The following KIAA0825 variants were observed in gnomAD, a reference collection of about 807,000 sequenced individuals.
KIAA0825 encodes the protein uncharacterized protein KIAA0825.
KIAA0825 carries 119 observed loss-of-function variants against 147.6 expected under a neutral mutation model. The ratio of observed to expected loss-of-function variants is 0.81; its 90% CI spans 0.69 to 0.94. The LOEUF (loss-of-function observed/expected upper bound fraction) is 0.94, where lower values mean the gene tolerates loss of function less well. Among genes scored for constraint, KIAA0825 ranks in the 40% least tolerant of loss-of-function variants. KIAA0825 has a pLI of 0.00. For synonymous variants in KIAA0825, 470 were observed against 518.1 expected, an observed-to-expected ratio of 0.91 and a Z score of 1.26; for missense variants, 1,381 against 1,472.7, an observed-to-expected ratio of 0.94 and a Z score of 1.02.
At chr5:94,483,575 G>T (rs899986559) in intron 6 of KIAA0825, among the ~76,000 whole-genome samples, 3 of 150,756 alleles carry the variant, frequency 2.0e-5, no homozygotes, top group African/African-American at 4.9e-5. Context: ...GCTTTTTTTT[G>T]GTTTTTTTGG....
intron 17 of KIAA0825, 70 bp downstream of exon 17, chr5:94,396,031 T>C (rs1439243556): frequency 3.0e-6 from 4 of 1,325,692 alleles, no homozygotes; most frequent in Non-Finnish European, 4.0e-6. Context: ...CAATATATTG[T>C]CATTTATTGG....
intron 20 of KIAA0825, among the ~76,000 whole-genome samples, chr5:94,340,883 C>T (rs1431483559): frequency 6.6e-6 from 1 of 152,112 alleles, no homozygotes; most frequent in Non-Finnish European, 1.5e-5. Flanking sequence ...AAATGCATAA[C>T]GCAGTGCTGG....
intron 5 of KIAA0825, among the ~76,000 whole-genome samples, chr5:94,497,248 G>T (rs535821609): frequency 6.6e-6 from 1 of 152,254 alleles, no homozygotes; most frequent in African/African-American, 2.4e-5. Context: ...TGATTTATAT[G>T]AACAGTTTCA....
At chr5:94,400,181 C>T (rs1751200719) in intron 16 of KIAA0825, among the ~76,000 whole-genome samples, 1 of 152,062 alleles carries the variant, frequency 6.6e-6, no homozygotes, top group Admixed American at 6.6e-5. Context: ...AACAAATATC[C>T]ATCATCTGTG....
At chr5:94,567,943 A>C (rs1209284693) in intron 2 of KIAA0825, 1 of 157,142 alleles carries the variant, frequency 6.4e-6, no homozygotes, top group Non-Finnish European at 1.4e-5. Context: ...AAAATAACCC[A>C]CCAATCCAAA....
chr5:94,443,007 A>AT (rs1757277082), intron 13 of KIAA0825, among the ~76,000 whole-genome samples: 1 of 152,098 alleles, frequency 6.6e-6, no homozygotes, highest in Admixed American at 6.6e-5. Flanking sequence ...CATGGAATAA[A>AT]ATCATTTGAA....
intron 20 of KIAA0825, among the ~76,000 whole-genome samples, chr5:94,234,374 AAAAAAT>A (rs944061385): frequency 9.2e-5 from 14 of 151,730 alleles, no homozygotes; most frequent in Admixed American, 4.6e-4. Context: ...CCGTCTCAAA[AAAAAAT>A]AAAAATAAAA....
At chr5:94,572,922 A>G (rs1190719199) in intron 2 of KIAA0825, among the ~76,000 whole-genome samples, 1 of 152,210 alleles carries the variant, frequency 6.6e-6, no homozygotes, top group African/African-American at 2.4e-5. Context: ...TCTGTAAAAC[A>G]TTTGAAGAGA....
intron 20 of KIAA0825, among the ~76,000 whole-genome samples, chr5:94,352,908 A>G (rs1783846107): frequency 6.9e-6 from 1 of 144,262 alleles, no homozygotes; most frequent in African/African-American, 2.5e-5. Flanking sequence ...GATGCAATGG[A>G]CTTTGGGGAC....
At chr5:94,400,893 T>C (rs1286277976) in intron 16 of KIAA0825, among the ~76,000 whole-genome samples, 3 of 152,154 alleles carry the variant, frequency 2.0e-5, no homozygotes, top group African/African-American at 7.2e-5. Flanking sequence ...TTTGTCACCA[T>C]AGTGTTTTCC....
At chr5:94,449,665 T>C (rs757024048) in intron 13 of KIAA0825, among the ~76,000 whole-genome samples, 1 of 152,194 alleles carries the variant, frequency 6.6e-6, no homozygotes, top group Non-Finnish European at 1.5e-5. Flanking sequence ...CGTTGGGGTA[T>C]AGGTAATCAC....
At chr5:94,365,935 G>A (rs1745785772) in intron 20 of KIAA0825, among the ~76,000 whole-genome samples, 1 of 152,146 alleles carries the variant, frequency 6.6e-6, no homozygotes, top group African/African-American at 2.4e-5. Flanking sequence ...GAGATATTTT[G>A]CAGACTCCGC....
chr5:94,344,154 A>G (rs1055199211), intron 20 of KIAA0825, among the ~76,000 whole-genome samples: 1 of 152,250 alleles, frequency 6.6e-6, no homozygotes, highest in Non-Finnish European at 1.5e-5. Context: ...ATGTATATCA[A>G]TGTTCCCAGC....
chr5:94,367,300 C>T (rs1234367344), intron 20 of KIAA0825, among the ~76,000 whole-genome samples: 1 of 152,052 alleles, frequency 6.6e-6, no homozygotes, highest in Non-Finnish European at 1.5e-5. Flanking sequence ...AGTTTGAGGC[C>T]AGCCTGGCCA....
At chr5:94,384,719 G>A (rs1372198712) in intron 19 of KIAA0825, among the ~76,000 whole-genome samples, 1 of 152,120 alleles carries the variant, frequency 6.6e-6, no homozygotes, top group Non-Finnish European at 1.5e-5. Context: ...ATTCTTCCAA[G>A]TGTTAATGGC....
At chr5:94,365,873 C>T (rs1745778392) in intron 20 of KIAA0825, among the ~76,000 whole-genome samples, 1 of 152,194 alleles carries the variant, frequency 6.6e-6, no homozygotes, top group Admixed American at 6.5e-5. Context: ...TAAACTTCCC[C>T]AAGTTGCTCC....
intron 20 of KIAA0825, among the ~76,000 whole-genome samples, chr5:94,163,506 A>AAGGC (rs2149925592): frequency 6.6e-6 from 1 of 152,244 alleles, no homozygotes; most frequent in South Asian, 2.1e-4. Context: ...GAGCTCCTCA[A>AAGGC]AGGCATAGAG....
intron 2 of KIAA0825, among the ~76,000 whole-genome samples, chr5:94,553,595 T>C (rs1775965734): frequency 6.6e-6 from 1 of 150,400 alleles, no homozygotes; most frequent in African/African-American, 2.4e-5. Context: ...TGAAACCCCA[T>C]CTCTACTAAA....
chr5:94,228,486 C>T (rs1435957464), intron 20 of KIAA0825, among the ~76,000 whole-genome samples: 2 of 152,182 alleles, frequency 1.3e-5, no homozygotes, highest in African/African-American at 4.8e-5. Flanking sequence ...CTCCCACCTC[C>T]TGTTCCTCCA....
Sources: allele counts gnomAD v4.1 joint callset (sites outside exome capture counted in the v4.1 genomes callset), GRCh38; gene constraint gnomAD v4.1.1; transcripts MANE v1.5; gene names NCBI Gene and HGNC (gene_info 2026-07-23, HGNC 2026-07-21).